The following DPP10 variants were observed in gnomAD, a reference collection of about 807,000 sequenced individuals.
DPP10 encodes the protein inactive dipeptidyl peptidase 10.
Under a neutral mutation model 120.9 loss-of-function variants are expected in DPP10, and 33 were observed. That is an observed-to-expected ratio of 0.27 (90% CI 0.21 to 0.37). The LOEUF is 0.37. Among genes scored for constraint, DPP10 ranks in the 10% least tolerant of loss-of-function variants. DPP10 has a pLI of 1.00. For synonymous variants in DPP10, 337 were observed against 326.1 expected (o/e 1.03, Z -0.36); for missense variants, 816 against 942.8 (o/e 0.87, Z 1.76).
At position 115,003,166 on chromosome 2, in the gene DPP10, T is replaced by C. The variant is rs182284381; in HGVS notation, c.61-306073T>C. 4.7e-4 allele frequency among the ~76,000 whole-genome samples: 53 copies of C among 112,286 alleles called. No homozygotes were observed. The East Asian group carries it at 0.011, about 24-fold the overall frequency. 73.7% of individuals were successfully genotyped at this position (112,286 alleles called of 152,430 possible). ...GAAAATGTGGTACACATACATATAC[T>C]ATGTAGCTATAAAAAAAAAAAAAAA... On this transcript the variant is annotated intron_variant, in intron 1 of 25. Coordinates refer to ENST00000410059, the MANE Select transcript of DPP10 (RefSeq NM_020868.6).
chr2:115,551,427 G>A (rs946682672), intron 5 of DPP10, among the ~76,000 whole-genome samples: 1 of 152,154 alleles, frequency 6.6e-6, no homozygotes, highest in Non-Finnish European at 1.5e-5. Flanking sequence ...AGCTATGGCT[G>A]TGGATACAGC....
chr2:115,142,441 T>C (rs945982366), intron 1 of DPP10, among the ~76,000 whole-genome samples: 2 of 152,094 alleles, frequency 1.3e-5, no homozygotes, highest in Admixed American at 1.3e-4. Flanking sequence ...ACCCAGGAGA[T>C]CAGCCCCAGG....
chr2:115,027,821 C>T (rs1208582954), intron 1 of DPP10, among the ~76,000 whole-genome samples: 2 of 151,888 alleles, frequency 1.3e-5, no homozygotes, highest in East Asian at 3.9e-4. Context: ...TTTCCTATTC[C>T]TTCATGGTTC....
chr2:115,349,017 C>T lies in DPP10; in HGVS notation c.271+5105C>T, dbSNP rs185443816. Among the ~76,000 whole-genome samples, 450 of 152,198 alleles carry T rather than the reference C, an allele frequency of 3.0e-3. 9 individuals carry two copies. Among genetic ancestry groups the T allele is most frequent in the Admixed American group, 0.025 (388 of 15,260 alleles). Reference sequence around the variant, plus strand: ...CAGCCCTTTCCTAGGAGACTATAAACGATGAGGAATAACTGTCAGTATTCA... The same window carrying T: ...CAGCCCTTTCCTAGGAGACTATAAATGATGAGGAATAACTGTCAGTATTCA... On this transcript the variant is annotated intron_variant, in intron 3 of 25. Transcript: ENST00000410059.
At chr2:115,273,668 A>G (rs1034476888) in intron 1 of DPP10, among the ~76,000 whole-genome samples, 2 of 152,196 alleles carry the variant, frequency 1.3e-5, no homozygotes, top group African/African-American at 2.4e-5. Context: ...GCTCTCGCAA[A>G]CAGGTAGCAT....
At chr2:115,124,086 G>A (rs965524881) in intron 1 of DPP10, among the ~76,000 whole-genome samples, 2 of 151,660 alleles carry the variant, frequency 1.3e-5, no homozygotes, top group Non-Finnish European at 2.9e-5. Flanking sequence ...GGGACTACAA[G>A]CATACCACCA....
Position 115,002,342 on chromosome 2 carries a change from G to A in DPP10, c.61-306897G>A, listed in dbSNP as rs540709567. 1.1e-4 allele frequency among the ~76,000 whole-genome samples: 17 copies of A among 152,132 alleles called. No individual in the cohort carries two copies. The South Asian group carries it at 2.7e-3, about 24-fold the overall frequency. On this transcript the variant is annotated intron_variant, in intron 1 of 25. Transcript: ENST00000410059. Reference sequence around the variant, plus strand: ...CATACGGAGTGGTTTGAAAATGACCGCTTCCTCATACCATATATAACAATC... The same window carrying A: ...CATACGGAGTGGTTTGAAAATGACCACTTCCTCATACCATATATAACAATC...
chr2:114,999,705 A>G (rs1574664251), intron 1 of DPP10, among the ~76,000 whole-genome samples: 1 of 151,886 alleles, frequency 6.6e-6, no homozygotes, highest in Non-Finnish European at 1.5e-5. Context: ...CAGGTGCTCC[A>G]CCCTCCACAA....
chr2:114,610,867 T>G (rs986138932), intron 1 of DPP10, among the ~76,000 whole-genome samples: 1 of 152,062 alleles, frequency 6.6e-6, no homozygotes, highest in African/African-American at 2.4e-5. Context: ...CTCTGTTGCC[T>G]AATCCACAGC....
intron 1 of DPP10, among the ~76,000 whole-genome samples, chr2:114,899,322 CG>C (rs987126415): frequency 2.0e-5 from 3 of 150,994 alleles, no homozygotes; most frequent in Non-Finnish European, 1.5e-5. Flanking sequence ...TAGACAACCA[CG>C]AAAAAAATGC....
intron 1 of DPP10, among the ~76,000 whole-genome samples, chr2:115,295,707 T>C (rs2060855671): frequency 6.6e-6 from 1 of 152,068 alleles, no homozygotes. Flanking sequence ...AATTTCTGCT[T>C]TTTTTTCTTT....
chr2:115,384,651 AGAAG>A (rs1383493178), intron 3 of DPP10, among the ~76,000 whole-genome samples: 1 of 149,846 alleles, frequency 6.7e-6, no homozygotes, highest in South Asian at 2.2e-4. Context: ...AGGAAGAAGA[AGAAG>A]GAAGAAGAAG....
chr2:115,683,261 G>A (rs145167754), intron 5 of DPP10, among the ~76,000 whole-genome samples: 352 of 152,018 alleles, frequency 2.3e-3, no homozygotes, highest in African/African-American at 7.8e-3. Context: ...CATACTGGAT[G>A]ATTCCAACTA....
chr2:115,056,229 T>C (rs1705897212), intron 1 of DPP10, among the ~76,000 whole-genome samples: 2 of 151,946 alleles, frequency 1.3e-5, no homozygotes, highest in Non-Finnish European at 2.9e-5. Context: ...TTGCAGAAAA[T>C]ATATATGAGT....
chr2:115,422,986 G>A (rs1185967690), intron 3 of DPP10, among the ~76,000 whole-genome samples: 1 of 151,994 alleles, frequency 6.6e-6, no homozygotes, highest in African/African-American at 2.4e-5. Context: ...AAGCGTCACT[G>A]TCCAACTGAA....
At chr2:115,708,011 T>C (rs1011860624) in intron 7 of DPP10, among the ~76,000 whole-genome samples, 3 of 151,976 alleles carry the variant, frequency 2.0e-5, no homozygotes, top group Admixed American at 6.6e-5. Context: ...GATATAGATA[T>C]AGATGCAGAT....
At chr2:115,288,720 A>T (rs181595646) in intron 1 of DPP10, among the ~76,000 whole-genome samples, 1 of 152,172 alleles carries the variant, frequency 6.6e-6, no homozygotes, top group East Asian at 1.9e-4. Context: ...AGACTGCCTC[A>T]AAACAAAAAG....
chr2:115,416,908 G>T (rs34796827), intron 3 of DPP10, among the ~76,000 whole-genome samples: 1 of 152,018 alleles, frequency 6.6e-6, no homozygotes, highest in African/African-American at 2.4e-5. Context: ...TGAGAAGACC[G>T]CTCAAGTCAA....
At chr2:115,596,147 C>A (rs1321261714) in intron 5 of DPP10, among the ~76,000 whole-genome samples, 7 of 152,096 alleles carry the variant, frequency 4.6e-5, no homozygotes, top group African/African-American at 1.7e-4. Flanking sequence ...GTAAAACAGG[C>A]AAGTCAAATA....
Sources: gnomAD v4.1 joint callset for allele counts (sites outside exome capture counted in the v4.1 genomes callset) on GRCh38, gnomAD v4.1.1 for gene constraint, MANE v1.5 for transcripts, NCBI Gene and HGNC (gene_info 2026-07-23, HGNC 2026-07-21) for gene names.